Variants in OLFM2 observed in about 807,000 individuals in gnomAD.
The protein encoded by OLFM2 is noelin-2.
A neutral mutation model predicts 43.9 loss-of-function variants in OLFM2; 20 were observed. That is an observed-to-expected ratio of 0.46 (90% confidence interval 0.32 to 0.66). The LOEUF (loss-of-function observed/expected upper bound fraction) is 0.66. Among genes scored for constraint, OLFM2 ranks in the 30% least tolerant of loss-of-function variants. The pLI, the probability that OLFM2 is intolerant of heterozygous loss-of-function variation, is 0.04. For synonymous variants in OLFM2, 268 were observed against 278.6 expected (o/e 0.96, Z 0.38); for missense variants, 416 against 643.6 (o/e 0.65, Z 3.83).
At chr19:9,892,632 GCC>G (rs2046648958) in intron 1 of OLFM2, among the ~76,000 whole-genome samples, 1 of 152,032 alleles carries the variant, frequency 6.6e-6, no homozygotes, top group African/African-American at 2.4e-5. Context: ...AATCACTTGA[GCC>G]CAGGAGGCAG....
chr19:9,893,384 C>T (rs1568378179), intron 1 of OLFM2, among the ~76,000 whole-genome samples: 2 of 152,102 alleles, frequency 1.3e-5, no homozygotes, highest in Non-Finnish European at 2.9e-5. Context: ...AGGGTGGTCT[C>T]GAACTCCCAA....
Position 9,857,829 on chromosome 19 carries a change from A to G in OLFM2, c.246T>C (p.Leu82=). The change falls in exon 3 of 6, where the codon CTT becomes CTC. Residue 82 remains leucine, a synonymous_variant. Coordinates refer to ENST00000264833, the MANE Select transcript of OLFM2 (RefSeq NM_058164.4). The surrounding 1 kb of genome is among the most constrained non-coding windows in gnomAD (Gnocchi z 5.7). ...VQNVSQSMEV[L]ELRTYRDLQY... is the part of the protein sequence containing the mutation. ...GGAGGTCGCGATACGTCCGCAACTC[A>G]AGGACCTCCATGGACTGGGAGACGT... 4 of 1,614,100 alleles carry G rather than the reference A, an allele frequency of 2.5e-6. No individual in the cohort carries two copies. The African/African-American group carries it at 4.0e-5, about 16-fold the overall frequency.
chr19:9,920,594 A>G (rs1053212480), intron 1 of OLFM2, among the ~76,000 whole-genome samples: 2 of 151,882 alleles, frequency 1.3e-5, no homozygotes, highest in African/African-American at 4.8e-5. Context: ...TAAGCCACTG[A>G]AAAAAAATGT....
At chr19:9,900,343 C>A (rs1389213700) in intron 1 of OLFM2, among the ~76,000 whole-genome samples, 1 of 152,040 alleles carries the variant, frequency 6.6e-6, no homozygotes, top group African/African-American at 2.4e-5. Context: ...GACGGAGCTG[C>A]ATCAGTGGAT....
At chr19:9,888,800 C>G (rs914222598) in intron 1 of OLFM2, among the ~76,000 whole-genome samples, 34 of 152,136 alleles carry the variant, frequency 2.2e-4, no homozygotes, top group Admixed American at 7.2e-4. Context: ...GGCACGGTGG[C>G]TCACGCCTGT....
At chr19:9,908,174 G>A (rs1333876786) in intron 1 of OLFM2, among the ~76,000 whole-genome samples, 4 of 151,932 alleles carry the variant, frequency 2.6e-5, no homozygotes, top group African/African-American at 9.7e-5. Flanking sequence ...CCTCCAACAT[G>A]CCAGGCGTGG....
intron 1 of OLFM2, among the ~76,000 whole-genome samples, chr19:9,864,153 G>A (rs1164631920): frequency 1.3e-5 from 2 of 152,208 alleles, no homozygotes; most frequent in South Asian, 2.1e-4. Context: ...AGGCATTCGT[G>A]ATTAATACCA....
chr19:9,922,563 A>G (rs1401542505), intron 1 of OLFM2, among the ~76,000 whole-genome samples: 7 of 152,082 alleles, frequency 4.6e-5, no homozygotes, highest in Admixed American at 4.6e-4. Flanking sequence ...TCAAAAAAAC[A>G]AAAATAAATT....
chr19:9,900,998 G>GGGAGGGA (rs1555727287), intron 1 of OLFM2, among the ~76,000 whole-genome samples: 2 of 54,436 alleles, frequency 3.7e-5, no homozygotes, highest in Non-Finnish European at 6.9e-5. Context: ...AAGGGAGGGA[G>GGGAGGGA]GGGGGAGGGA....
intron 1 of OLFM2, among the ~76,000 whole-genome samples, chr19:9,923,629 GAAGGAAAGAA>G (rs1568387760): frequency 1.4e-5 from 2 of 142,360 alleles, no homozygotes; most frequent in Non-Finnish European, 3.1e-5. Flanking sequence ...GAGAGAGAGA[GAAGGAAAGAA>G]AAGGAAAGGA....
At chr19:9,905,955 C>T (rs2046782637) in intron 1 of OLFM2, among the ~76,000 whole-genome samples, 2 of 152,218 alleles carry the variant, frequency 1.3e-5, no homozygotes, top group Non-Finnish European at 2.9e-5. Flanking sequence ...ACACAAGACA[C>T]GCTCTCATTC....
intron 1 of OLFM2, among the ~76,000 whole-genome samples, chr19:9,921,020 C>T (rs927385168): frequency 6.6e-6 from 1 of 152,122 alleles, no homozygotes; most frequent in Non-Finnish European, 1.5e-5. Context: ...GTTCCAGACA[C>T]CATTTGCAGC....
intron 1 of OLFM2, among the ~76,000 whole-genome samples, chr19:9,878,494 G>A (rs1211087249): frequency 7.0e-6 from 1 of 142,382 alleles, no homozygotes; most frequent in Non-Finnish European, 1.5e-5. Context: ...GGTTCAAGCA[G>A]TTCTCCTGTC....
chr19:9,915,919 C>G (rs1343407996), intron 1 of OLFM2, among the ~76,000 whole-genome samples: 1 of 152,196 alleles, frequency 6.6e-6, no homozygotes, highest in East Asian at 1.9e-4. Flanking sequence ...TGCAAAGGCC[C>G]TGGGGCAGGA....
chr19:9,888,230 C>A (rs2046605092), intron 1 of OLFM2, among the ~76,000 whole-genome samples: 1 of 151,946 alleles, frequency 6.6e-6, no homozygotes, highest in African/African-American at 2.4e-5. Context: ...TCTCAAAAGA[C>A]CCTCCCTGCT....
chr19:9,875,886 C>G (rs2046483634), intron 1 of OLFM2, among the ~76,000 whole-genome samples: 1 of 152,072 alleles, frequency 6.6e-6, no homozygotes, highest in Non-Finnish European at 1.5e-5. Context: ...CTTGGGTACA[C>G]AGAGCATGTC....
intron 1 of OLFM2, among the ~76,000 whole-genome samples, chr19:9,868,917 C>G (rs1040266276): frequency 6.2e-5 from 9 of 146,190 alleles, no homozygotes; most frequent in African/African-American, 2.3e-4. Context: ...GCCTGCGTGA[C>G]AAAGTGAGAC....
At chr19:9,891,685 G>C (rs969010213) in intron 1 of OLFM2, among the ~76,000 whole-genome samples, 23 of 151,918 alleles carry the variant, frequency 1.5e-4, no homozygotes, top group Non-Finnish European at 2.6e-4. Flanking sequence ...GGCCAGACTA[G>C]GCAGAGACCC....
At chr19:9,867,921 A>C (rs894148267) in intron 1 of OLFM2, among the ~76,000 whole-genome samples, 3 of 149,920 alleles carry the variant, frequency 2.0e-5, no homozygotes, top group Admixed American at 1.3e-4. Flanking sequence ...TTTTTTTTGG[A>C]GACAGGGTCT....
Sources: gnomAD v4.1 joint callset for allele counts (sites outside exome capture counted in the v4.1 genomes callset) on GRCh38, gnomAD v4.1.1 for gene constraint, Gnocchi (gnomAD v3.1) non-coding constraint, MANE v1.5 for transcripts, NCBI Gene and HGNC (gene_info 2026-07-23, HGNC 2026-07-21) for gene names.